Variants in KIF13B observed in about 807,000 individuals in gnomAD.
The protein encoded by KIF13B is kinesin family member 13B.
A neutral mutation model predicts 222.0 loss-of-function variants in KIF13B; 127 were observed. The observed-to-expected ratio is 0.57, with a 90% CI of 0.50 to 0.66. The LOEUF (loss-of-function observed/expected upper bound fraction) is 0.66, where lower values mean the gene tolerates loss of function less well. Ranked by LOEUF, KIF13B falls within the 30% of genes least tolerant of loss-of-function variation. The pLI is 0.00. For missense variants in KIF13B, 2,173 were observed against 2,379.0 expected, an observed-to-expected ratio of 0.91 and a Z score of 1.80; for synonymous variants, 976 against 919.0, an observed-to-expected ratio of 1.06 and a Z score of -1.12.
At chr8:29,175,894 GA>G (rs981172585) in intron 10 of KIF13B, among the ~76,000 whole-genome samples, 173 bp downstream of exon 10, 2 of 152,246 alleles carry the variant, frequency 1.3e-5, no homozygotes, top group Middle Eastern at 3.4e-3. Context: ...GAATTGCTAG[GA>G]AAAAACCTAC....
chr8:29,167,599 C>T lies in KIF13B; in HGVS notation c.946-14G>A. On this transcript the variant is annotated splice_polypyrimidine_tract_variant and intron_variant, in intron 10 of 39. Coordinates refer to ENST00000524189, the MANE Select transcript of KIF13B (RefSeq NM_015254.4). ...CCCGAGGCTGTCCTACAGGAGAAAA[C>T]AGAAAGTTGAGTAGCATATTAAAGT... The T allele has an allele frequency of 6.2e-7, 1 of 1,607,578 alleles. No homozygotes were observed. The highest frequency in any genetic ancestry group is 2.2e-5 in the East Asian group (1 of 44,836).
Position 29,071,668 on chromosome 8 carries a change from C to G in KIF13B, c.5170G>C (p.Asp1724His), listed in dbSNP as rs1159213137. The G allele has an allele frequency of 6.4e-7, 1 of 1,554,882 alleles. No homozygotes were observed. Among genetic ancestry groups the G allele is most frequent in the Non-Finnish European group, 8.7e-7 (1 of 1,149,758 alleles). Residue 1724 changes from aspartate to histidine, a missense_variant, in exon 39 of 40, where the codon GAC becomes CAC. Coordinates refer to ENST00000524189, the MANE Select transcript of KIF13B (RefSeq NM_015254.4). The surrounding 1 kb of genome is among the most constrained non-coding windows in gnomAD (Gnocchi z 4.9). ...CCGACCCACGTGCCCTCTTGGAAGT[C>G]GGCAGGCCCCACGTATCTCACCACG... ...TGVVRYVGPA[D>H]FQEGTWVGVE...
chr8:29,110,249 T>G (rs1033508301), intron 32 of KIF13B, among the ~76,000 whole-genome samples, 179 bp from the exon 33 acceptor site: 9 of 152,204 alleles, frequency 5.9e-5, no homozygotes, highest in Non-Finnish European at 1.0e-4. Flanking sequence ...TAGGTCCACT[T>G]GAAAGGCTGG....
At chr8:29,172,229 C>T (rs1159087088) in intron 10 of KIF13B, among the ~76,000 whole-genome samples, 1 of 151,800 alleles carries the variant, frequency 6.6e-6, no homozygotes, top group Non-Finnish European at 1.5e-5. Flanking sequence ...TACAGGCGCC[C>T]GCCACCACGC....
intron 13 of KIF13B, 72 bp from the exon 14 acceptor site, chr8:29,155,928 G>A (rs1201444088): frequency 8.0e-7 from 1 of 1,246,906 alleles, no homozygotes; most frequent in Non-Finnish European, 1.1e-6. Context: ...TTTACACTGA[G>A]CCCTCTTATA....
In KIF13B at chr8:29,070,322, G is replaced by C. The variant is rs1412484306; in HGVS notation, c.*182C>G. ...ACAGTTGAGGCCCCCACTTTACCCG[G>C]GTACAGAAGAAACAAAGCTTCCAGA... On this transcript the variant is annotated 3_prime_UTR_variant, in exon 40 of 40. Coordinates refer to ENST00000524189, the MANE Select transcript of KIF13B (RefSeq NM_015254.4). The surrounding 1 kb of genome is among the most constrained non-coding windows in gnomAD (Gnocchi z 4.1). The C allele has an allele frequency of 4.6e-6, 3 of 655,540 alleles. No individual in the cohort carries two copies. Among genetic ancestry groups the C allele is most frequent in the East Asian group, 5.6e-5 (2 of 35,400 alleles). The allele number at this position is 655,540 out of a possible 1,614,324, so 40.6% of individuals were successfully genotyped here.
intron 31 of KIF13B, 22 bp from the exon 32 acceptor site, chr8:29,113,577 G>A (rs1809456280): frequency 2.8e-6 from 4 of 1,430,428 alleles, no homozygotes. Flanking sequence ...CAAAATAGAA[G>A]ATATGGTTTC....
intron 21 of KIF13B, among the ~76,000 whole-genome samples, chr8:29,138,249 C>A (rs770380760): frequency 1.4e-4 from 21 of 152,018 alleles, no homozygotes; most frequent in Non-Finnish European, 2.8e-4. Context: ...GTGGGAGAAT[C>A]GCTTGAACCC....
Position 29,071,577 on chromosome 8 carries a change from GA to G in KIF13B, c.5218+42del. 6.6e-7 allele frequency: 1 copy of G among 1,508,884 alleles called. No homozygotes were observed. The highest frequency in any genetic ancestry group is 1.2e-5 in the South Asian group (1 of 83,192). The allele number at this position is 1,508,884 out of a possible 1,614,324, so 93.5% of individuals were successfully genotyped here. A position where few individuals can be genotyped will look rare whatever the true frequency, so the allele number is the denominator to read the frequency against. On this transcript the variant is annotated intron_variant, in intron 39 of 39. Transcript: ENST00000524189. The surrounding 1 kb of genome is among the most constrained non-coding windows in gnomAD (Gnocchi z 4.9). ...GGCCGGCCACGTTCCTGCTTCCCCA[GA>G]CCCCCGGCACCACCCTGGAGCCCGG... is the stretch of plus-strand genomic sequence containing the variant.
chr8:29,228,472 A>AAAAAAAAATATATATATAT, intron 2 of KIF13B, among the ~76,000 whole-genome samples: 4 of 117,080 alleles, frequency 3.4e-5, no homozygotes, highest in African/African-American at 6.5e-5. Flanking sequence ...ATCTTAAAAA[A>AAAAAAAAATATATATATAT]ATATATATAT....
rs977230532 is a variant in KIF13B at position 29,186,538 on chromosome 8, G to A, written c.317-66C>T. On this transcript the variant is annotated intron_variant, in intron 5 of 39. Coordinates refer to ENST00000524189, the MANE Select transcript of KIF13B (RefSeq NM_015254.4). ...ACGTTAAATACATAACCCTCTTTCC[G>A]TTGCTCATAATAAACACTTGGCAAA... is the stretch of plus-strand genomic sequence containing the variant. 6.7e-5 allele frequency: 90 copies of A among 1,343,764 alleles called. 1 individual carries two copies. Among genetic ancestry groups the A allele is most frequent in the Non-Finnish European group, 7.9e-5 (78 of 984,424 alleles). The allele number at this position is 1,343,764 out of a possible 1,614,324, so 83.2% of individuals were successfully genotyped here.
intron 29 of KIF13B, among the ~76,000 whole-genome samples, chr8:29,120,165 AGTTTTTTT>A (rs1466772517): frequency 1.9e-5 from 2 of 103,674 alleles, no homozygotes; most frequent in Non-Finnish European, 3.8e-5. Context: ...GAAAAATGAC[AGTTTTTTT>A]TTTTTTTTTT....
chr8:29,104,073 C>G (rs922380691), intron 35 of KIF13B, among the ~76,000 whole-genome samples: 3 of 152,098 alleles, frequency 2.0e-5, no homozygotes, highest in Non-Finnish European at 4.4e-5. Context: ...ACTTCTGAGA[C>G]TCCCTTGGCC....
chr8:29,147,919 C>T (rs116674340), intron 16 of KIF13B, among the ~76,000 whole-genome samples: 187 of 152,290 alleles, frequency 1.2e-3, no homozygotes, highest in African/African-American at 4.2e-3. Flanking sequence ...GAAATTTGAC[C>T]GGGCACAGTG....
At position 29,127,252 on chromosome 8, in the gene KIF13B, A is replaced by G. The variant is rs774358524; in HGVS notation, c.3092T>C (p.Val1031Ala). The change falls in exon 25 of 40, where the codon GTT becomes GCT. Residue 1031 changes from valine (V) to alanine (A), a missense_variant. This residue lies in a region of KIF13B where 1,480 missense variants were observed against 1,722.8 expected (regional missense o/e 0.86). Coordinates refer to ENST00000524189, the MANE Select transcript of KIF13B (RefSeq NM_015254.4). ...FQLRQGQSRRVQVEVKSVQES... is the reference protein window; with the variant it reads ...FQLRQGQSRRAQVEVKSVQES... Reference sequence around the variant, plus strand: ...CTGCACTGACTTCACTTCGACTTGAACTCTCCGGGACTGCCCCTGGGTCAC... The same window carrying G: ...CTGCACTGACTTCACTTCGACTTGAGCTCTCCGGGACTGCCCCTGGGTCAC... 2 of 1,612,718 alleles carry G rather than the reference A, an allele frequency of 1.2e-6. No homozygotes were observed. Among genetic ancestry groups the G allele is most frequent in the Non-Finnish European group, 8.5e-7 (1 of 1,179,476 alleles).
chr8:29,207,075 C>G (rs1243252534), intron 2 of KIF13B, among the ~76,000 whole-genome samples: 1 of 152,122 alleles, frequency 6.6e-6, no homozygotes, highest in Admixed American at 6.5e-5. Context: ...AATTTGGCCT[C>G]AAACCCCTCA....
intron 26 of KIF13B, among the ~76,000 whole-genome samples, chr8:29,125,166 T>C (rs1810052467): frequency 6.6e-6 from 1 of 152,232 alleles, no homozygotes; most frequent in African/African-American, 2.4e-5. Context: ...GAAGACAACA[T>C]GTAAATGCTT....
At chr8:29,161,708 C>CCA (rs1554609866) in intron 12 of KIF13B, among the ~76,000 whole-genome samples, 44 of 143,782 alleles carry the variant, frequency 3.1e-4, no homozygotes, top group African/African-American at 8.1e-4. Context: ...AACCCCCCCC[C>CCA]AAAAAAAAAC....
At chr8:29,145,317 A>G (rs1358106622) in intron 18 of KIF13B, among the ~76,000 whole-genome samples, 1 of 152,216 alleles carries the variant, frequency 6.6e-6, no homozygotes, top group East Asian at 1.9e-4. Context: ...CCTTGATGCT[A>G]TGATGTCATA....
Sources: allele counts gnomAD v4.1 joint callset (sites outside exome capture counted in the v4.1 genomes callset), GRCh38; gene constraint gnomAD v4.1.1; regional missense constraint gnomAD v4.1.1; non-coding constraint Gnocchi (gnomAD v3.1); transcripts MANE v1.5; gene names NCBI Gene and HGNC (gene_info 2026-07-23, HGNC 2026-07-21).